NRG3: variants seen among roughly 807,000 people sequenced by gnomAD.
The protein encoded by NRG3 is pro-neuregulin-3, membrane-bound isoform.
Under a neutral mutation model 66.9 loss-of-function variants are expected in NRG3, and 31 were observed. That is an observed-to-expected ratio of 0.46 (90% confidence interval 0.35 to 0.63). The LOEUF (loss-of-function observed/expected upper bound fraction) is 0.63. Ranked by LOEUF, NRG3 falls within the 20% of genes least tolerant of loss-of-function variation. The pLI is 0.00. For synonymous variants in NRG3, 393 were observed against 359.4 expected (o/e 1.09, Z -1.06); for missense variants, 910 against 878.9 (o/e 1.04, Z -0.45).
chr10:82,110,067 A>G (rs953638118), intron 1 of NRG3, among the ~76,000 whole-genome samples: 1 of 152,194 alleles, frequency 6.6e-6, no homozygotes, highest in African/African-American at 2.4e-5. Context: ...CAGGTCAAGC[A>G]TGTCTGTTTG....
chr10:82,220,220 T>C (rs1476469518), intron 1 of NRG3, among the ~76,000 whole-genome samples: 2 of 151,910 alleles, frequency 1.3e-5, no homozygotes, highest in Non-Finnish European at 2.9e-5. Flanking sequence ...GTTTATCTGC[T>C]GAGGGCCTTT....
chr10:82,741,344 T>C (rs1025523309), intron 3 of NRG3, among the ~76,000 whole-genome samples: 1 of 152,152 alleles, frequency 6.6e-6, no homozygotes, highest in African/African-American at 2.4e-5. Context: ...GGGGATGAAT[T>C]TGGTGTAACA....
At chr10:82,210,033 A>G (rs1273134635) in intron 1 of NRG3, among the ~76,000 whole-genome samples, 1 of 152,204 alleles carries the variant, frequency 6.6e-6, no homozygotes, top group East Asian at 1.9e-4. Context: ...GGATCAGCAT[A>G]TATATTATGT....
intron 1 of NRG3, among the ~76,000 whole-genome samples, chr10:82,265,004 A>G (rs918429546): frequency 6.6e-6 from 1 of 152,176 alleles, no homozygotes; most frequent in Non-Finnish European, 1.5e-5. Flanking sequence ...ACTTGGTGGT[A>G]GAAGGCTAAG....
intron 1 of NRG3, among the ~76,000 whole-genome samples, chr10:81,999,887 C>A (rs919686709): frequency 6.6e-6 from 1 of 152,176 alleles, no homozygotes; most frequent in African/African-American, 2.4e-5. Flanking sequence ...AATCCAGACA[C>A]TTGCTTCAGT....
intron 1 of NRG3, among the ~76,000 whole-genome samples, chr10:82,020,091 A>G (rs531744041): frequency 6.6e-6 from 1 of 151,960 alleles, no homozygotes; most frequent in South Asian, 2.1e-4. Context: ...ATAAATTTCT[A>G]AAGGCTTTCA....
chr10:82,562,245 A>G lies in NRG3; in HGVS notation c.954-176332A>G, dbSNP rs1237470729. Among the ~76,000 whole-genome samples the G allele has an allele frequency of 6.6e-5, 10 of 152,282 alleles. No homozygotes were observed. The South Asian group carries it at 1.9e-3, about 28-fold the overall frequency. On this transcript the variant is annotated intron_variant, in intron 2 of 8. Coordinates refer to ENST00000372141, the MANE Select transcript of NRG3 (RefSeq NM_001010848.4). ...CGTCTTCATCATAGTTTCTATCTCT[A>G]TTATGTTACAGATATAGGTAAATGT... is the stretch of plus-strand genomic sequence containing the variant.
chr10:82,947,409 T>G (rs1424252355), intron 4 of NRG3, among the ~76,000 whole-genome samples: 3 of 152,116 alleles, frequency 2.0e-5, no homozygotes, highest in African/African-American at 4.8e-5. Flanking sequence ...AAAATAAAGT[T>G]TCTATGAACA....
chr10:82,529,740 C>T (rs1233217721), intron 2 of NRG3, among the ~76,000 whole-genome samples: 1 of 152,072 alleles, frequency 6.6e-6, no homozygotes, highest in Non-Finnish European at 1.5e-5. Flanking sequence ...TAAAGAAACA[C>T]CAGCATCTAC....
intron 4 of NRG3, among the ~76,000 whole-genome samples, chr10:82,906,662 T>C (rs1844762547): frequency 6.6e-6 from 1 of 152,192 alleles, no homozygotes; most frequent in East Asian, 1.9e-4. Context: ...TTTTGTCACT[T>C]AGGTAACATG....
intron 3 of NRG3, among the ~76,000 whole-genome samples, chr10:82,788,210 G>C (rs2060447882): frequency 6.6e-6 from 1 of 152,132 alleles, no homozygotes; most frequent in Non-Finnish European, 1.5e-5. Context: ...GGGTTTGGTT[G>C]ATCCTATGTT....
intron 1 of NRG3, among the ~76,000 whole-genome samples, chr10:82,313,546 C>T (rs560192217): frequency 2.6e-5 from 4 of 152,188 alleles, no homozygotes; most frequent in African/African-American, 9.6e-5. Context: ...TGAAATGACC[C>T]TACCCAGGAC....
chr10:82,658,666 AC>A (rs766475940), intron 2 of NRG3, among the ~76,000 whole-genome samples: 2 of 152,118 alleles, frequency 1.3e-5, no homozygotes, highest in Non-Finnish European at 2.9e-5. Context: ...GGGAAAGGGG[AC>A]TGTGGAAGTG....
chr10:82,369,976 A>G (rs911562919), intron 2 of NRG3, among the ~76,000 whole-genome samples: 1 of 138,380 alleles, frequency 7.2e-6, no homozygotes, highest in Non-Finnish European at 1.5e-5. Context: ...GGAAGCATGC[A>G]GAAGGGCAGT....
At chr10:82,698,543 T>C (rs1010906041) in intron 2 of NRG3, among the ~76,000 whole-genome samples, 1 of 152,214 alleles carries the variant, frequency 6.6e-6, no homozygotes, top group Non-Finnish European at 1.5e-5. Flanking sequence ...ACGTAAGCCC[T>C]ATTAAATAAA....
chr10:82,558,514 G>C (rs1368570820), intron 2 of NRG3, among the ~76,000 whole-genome samples: 2 of 152,104 alleles, frequency 1.3e-5, no homozygotes, highest in African/African-American at 4.8e-5. Flanking sequence ...AGGGTGAGCA[G>C]CAATCAAGAC....
At chr10:82,711,492 T>G (rs753625510) in intron 2 of NRG3, among the ~76,000 whole-genome samples, 1 of 152,046 alleles carries the variant, frequency 6.6e-6, no homozygotes, top group Non-Finnish European at 1.5e-5. Flanking sequence ...AAGTTGTGTT[T>G]TTCATATTTA....
At chr10:82,062,548 G>A (rs1179377254) in intron 1 of NRG3, among the ~76,000 whole-genome samples, 1 of 151,786 alleles carries the variant, frequency 6.6e-6, no homozygotes, top group East Asian at 1.9e-4. Context: ...AGAGGTTGCA[G>A]TGAGCCAAGG....
chr10:82,866,675 A>G (rs1266773316), intron 4 of NRG3, among the ~76,000 whole-genome samples: 1 of 152,180 alleles, frequency 6.6e-6, no homozygotes, highest in Non-Finnish European at 1.5e-5. Context: ...TGTAGAAGGA[A>G]GTGAAAGAAG....
Sources: allele counts gnomAD v4.1 joint callset (sites outside exome capture counted in the v4.1 genomes callset), GRCh38; gene constraint gnomAD v4.1.1; transcripts MANE v1.5; gene names NCBI Gene and HGNC (gene_info 2026-07-23, HGNC 2026-07-21).